HECW1: variants seen among roughly 807,000 people sequenced by gnomAD.
The protein encoded by HECW1 is E3 ubiquitin-protein ligase HECW1.
A neutral mutation model predicts 182.3 loss-of-function variants in HECW1; 61 were observed. The observed-to-expected ratio is 0.33, with a 90% CI of 0.27 to 0.41. The LOEUF is 0.41. Among genes scored for constraint, HECW1 ranks in the 10% least tolerant of loss-of-function variants. The pLI is 1.00. For synonymous variants in HECW1, 859 were observed against 832.6 expected (o/e 1.03, Z -0.55); for missense variants, 1,739 against 2,108.9 (o/e 0.82, Z 3.44).
chr7:43,342,593 TA>T (rs1277778256), intron 5 of HECW1, among the ~76,000 whole-genome samples: 5 of 151,858 alleles, frequency 3.3e-5, no homozygotes, highest in Non-Finnish European at 5.9e-5. Context: ...TCCTTCTAGA[TA>T]ACTCTTGAGG....
At chr7:43,166,261 T>G (rs1285176301) in intron 2 of HECW1, among the ~76,000 whole-genome samples, 1 of 152,160 alleles carries the variant, frequency 6.6e-6, no homozygotes, top group Non-Finnish European at 1.5e-5. Flanking sequence ...TTTTGTATTT[T>G]TAGTAGAGAT....
intron 16 of HECW1, among the ~76,000 whole-genome samples, chr7:43,471,951 T>C (rs1563023518): frequency 6.6e-6 from 1 of 152,168 alleles, no homozygotes; most frequent in Non-Finnish European, 1.5e-5. Flanking sequence ...TTAAAAGACA[T>C]CTATTCATCA....
chr7:43,408,296 T>A (rs563963023), intron 8 of HECW1, among the ~76,000 whole-genome samples: 1 of 152,252 alleles, frequency 6.6e-6, no homozygotes, highest in Non-Finnish European at 1.5e-5. Flanking sequence ...GCTACAGTAT[T>A]GAATAGTCTA....
chr7:43,209,849 T>C (rs1795843527), intron 2 of HECW1, among the ~76,000 whole-genome samples: 1 of 151,900 alleles, frequency 6.6e-6, no homozygotes, highest in Non-Finnish European at 1.5e-5. Flanking sequence ...ATAGAGCAAA[T>C]CACAAGATGG....
chr7:43,400,917 A>G (rs777776158), intron 7 of HECW1, among the ~76,000 whole-genome samples: 1 of 152,182 alleles, frequency 6.6e-6, no homozygotes, highest in Non-Finnish European at 1.5e-5. Flanking sequence ...GGCTGCCAGC[A>G]TTCTTTGGCT....
intron 2 of HECW1, among the ~76,000 whole-genome samples, chr7:43,194,813 C>T (rs1163283252): frequency 6.6e-6 from 1 of 152,100 alleles, no homozygotes; most frequent in Admixed American, 6.5e-5. Flanking sequence ...CCTGCCTCAG[C>T]CTCCCAAGTA....
chr7:43,448,592 T>A (rs546559077), intron 11 of HECW1, among the ~76,000 whole-genome samples: 1 of 152,294 alleles, frequency 6.6e-6, no homozygotes, highest in South Asian at 2.1e-4. Flanking sequence ...TCCCACCAAG[T>A]GAGGGTTCTT....
intron 3 of HECW1, among the ~76,000 whole-genome samples, chr7:43,263,807 T>C (rs914300320): frequency 6.6e-6 from 1 of 152,034 alleles, no homozygotes; most frequent in Admixed American, 6.6e-5. Context: ...GGCTGCAGGA[T>C]TTGTTGTATT....
intron 3 of HECW1, among the ~76,000 whole-genome samples, chr7:43,292,339 G>A (rs1805496377): frequency 6.6e-6 from 1 of 152,168 alleles, no homozygotes; most frequent in South Asian, 2.1e-4. Context: ...AAGTTTTACG[G>A]CCAGCACTTG....
chr7:43,466,504 T>C lies in HECW1; in HGVS notation c.2849T>C (p.Leu950Pro). The part of the protein sequence containing the change: ...PVNSQKITLL[L>P]QSPAVKFITN... ...AACTCACAAAAAATCACCTTGCTGC[T>C]GCAGTCCCCAGCGGTCAAGTTCATC... Residue 950 changes from leucine to proline, a missense_variant, in exon 15 of 30, where the codon CTG (leucine) becomes CCG (proline). Coordinates refer to ENST00000395891, the MANE Select transcript of HECW1 (RefSeq NM_015052.5). 1 of 1,613,998 alleles carries C rather than the reference T, an allele frequency of 6.2e-7. No homozygotes were observed. Among genetic ancestry groups the C allele is most frequent in the Non-Finnish European group, 8.5e-7 (1 of 1,179,870 alleles).
At chr7:43,221,218 A>G (rs1038290833) in intron 2 of HECW1, among the ~76,000 whole-genome samples, 8 of 152,182 alleles carry the variant, frequency 5.3e-5, no homozygotes, top group Non-Finnish European at 1.2e-4. Flanking sequence ...CTGTGAGTCA[A>G]CAGTTGCCAG....
At chr7:43,452,975 A>G (rs973785785) in intron 12 of HECW1, among the ~76,000 whole-genome samples, 1 of 152,168 alleles carries the variant, frequency 6.6e-6, no homozygotes, top group African/African-American at 2.4e-5. Context: ...AGGAAGGGAG[A>G]AGGCAGCAGG....
intron 17 of HECW1, among the ~76,000 whole-genome samples, chr7:43,481,531 G>T (rs1416409205): frequency 3.3e-5 from 5 of 152,172 alleles, no homozygotes; most frequent in African/African-American, 1.2e-4. Context: ...CTTTCTAACT[G>T]AAAGAACAAG....
chr7:43,128,464 T>C (rs1786526927), intron 2 of HECW1, among the ~76,000 whole-genome samples: 2 of 152,218 alleles, frequency 1.3e-5, no homozygotes, highest in Admixed American at 1.3e-4. Flanking sequence ...TAGCATGGTC[T>C]ACTAAATATT....
At chr7:43,448,041 A>G (rs545504549) in intron 11 of HECW1, among the ~76,000 whole-genome samples, 2 of 152,228 alleles carry the variant, frequency 1.3e-5, no homozygotes, top group African/African-American at 4.8e-5. Context: ...AGGCTGAGGC[A>G]GGAGAATCAC....
intron 3 of HECW1, among the ~76,000 whole-genome samples, chr7:43,290,033 C>G (rs1805194420): frequency 6.6e-6 from 1 of 152,160 alleles, no homozygotes; most frequent in Non-Finnish European, 1.5e-5. Context: ...GAAGCCTTAT[C>G]GGTAGAAGGC....
chr7:43,316,655 A>G (rs1809292409), intron 4 of HECW1, among the ~76,000 whole-genome samples: 1 of 151,756 alleles, frequency 6.6e-6, no homozygotes, highest in Non-Finnish European at 1.5e-5. Flanking sequence ...CATGACAAGA[A>G]TGCAGAAAAT....
chr7:43,482,380 G>A (rs1161849053), intron 17 of HECW1, among the ~76,000 whole-genome samples: 1 of 152,232 alleles, frequency 6.6e-6, no homozygotes, highest in Admixed American at 6.5e-5. Context: ...GCTGTGATGT[G>A]ATTTTGCTCA....
intron 28 of HECW1, among the ~76,000 whole-genome samples, chr7:43,553,383 C>A (rs1399304362): frequency 2.6e-5 from 4 of 152,058 alleles, no homozygotes; most frequent in Non-Finnish European, 5.9e-5. Context: ...AGAATGAAAA[C>A]CGCTGTCTGC....
Sources: gnomAD v4.1 joint callset for allele counts (sites outside exome capture counted in the v4.1 genomes callset) on GRCh38, gnomAD v4.1.1 for gene constraint, MANE v1.5 for transcripts, NCBI Gene and HGNC (gene_info 2026-07-23, HGNC 2026-07-21) for gene names.